Variants in KATNIP observed in about 807,000 individuals in gnomAD.
KATNIP encodes the protein katanin-interacting protein.
KATNIP carries 126 observed loss-of-function variants against 174.0 expected under a neutral mutation model. The observed-to-expected ratio is 0.72, with a 90% confidence interval of 0.63 to 0.84. KATNIP has a LOEUF of 0.84. KATNIP is among the 40% of genes least tolerant of loss of function. KATNIP has a pLI of 0.00. For synonymous variants in KATNIP, 810 were observed against 835.7 expected, an observed-to-expected ratio of 0.97 and a Z score of 0.53; for missense variants, 1,958 against 2,109.7, an observed-to-expected ratio of 0.93 and a Z score of 1.41.
Position 27,751,282 on chromosome 16 carries a change from C to T in KATNIP, c.3347-437C>T, listed in dbSNP as rs572129382. ...TCTGGAACATAAATTTCAGGTCTTT[C>T]CTGCCTGAAGGTGAAGGAGCAGGGC... On this transcript the variant is annotated intron_variant, in intron 16 of 27. Coordinates refer to ENST00000261588, the MANE Select transcript of KATNIP (RefSeq NM_015202.5). Among the ~76,000 whole-genome samples the T allele has an allele frequency of 3.9e-5, 6 of 152,292 alleles. No homozygotes were observed. The East Asian group carries it at 1.2e-3, about 29-fold the overall frequency.
At chr16:27,702,337 T>C (rs1183882541) in intron 11 of KATNIP, among the ~76,000 whole-genome samples, 1 of 152,184 alleles carries the variant, frequency 6.6e-6, no homozygotes, top group Non-Finnish European at 1.5e-5. Flanking sequence ...TTTTCTCTAT[T>C]AAAAGTTTGT....
intron 1 of KATNIP, among the ~76,000 whole-genome samples, chr16:27,551,621 G>A (rs1032621388): frequency 1.3e-5 from 2 of 152,120 alleles, no homozygotes; most frequent in South Asian, 2.1e-4. Context: ...GCATGGACTC[G>A]TGCCTGTAAT....
chr16:27,663,813 T>A (rs549243349), intron 6 of KATNIP, among the ~76,000 whole-genome samples: 1 of 151,730 alleles, frequency 6.6e-6, no homozygotes, highest in East Asian at 1.9e-4. Context: ...CCCTCCTATA[T>A]GTTTATTTTT....
intron 1 of KATNIP, among the ~76,000 whole-genome samples, chr16:27,568,622 G>A (rs566263517): frequency 2.0e-5 from 3 of 152,082 alleles, no homozygotes; most frequent in South Asian, 2.1e-4. Context: ...ATGCCATCAC[G>A]CCCAGCTAAT....
At chr16:27,568,221 T>A (rs1038836377) in intron 1 of KATNIP, among the ~76,000 whole-genome samples, 1 of 152,258 alleles carries the variant, frequency 6.6e-6, no homozygotes, top group African/African-American at 2.4e-5. Context: ...GCTCATTCTT[T>A]CAGCTTTACA....
Position 27,570,363 on chromosome 16 carries a change from A to C in KATNIP, c.8-3538A>C, listed in dbSNP as rs1311165834. Among the ~76,000 whole-genome samples, 3 of 151,942 alleles carry C rather than the reference A, an allele frequency of 2.0e-5. No homozygotes were observed. The East Asian group carries it at 5.8e-4, about 30-fold the overall frequency. On this transcript the variant is annotated intron_variant, in intron 1 of 27. Coordinates refer to ENST00000261588, the MANE Select transcript of KATNIP (RefSeq NM_015202.5). ...CGGTTCACCTGAGGTCAGGAGTTCG[A>C]GACCAGCCTAGCCAACATGGTGAAA... is the stretch of plus-strand genomic sequence containing the variant.
chr16:27,772,574 C>T (rs1032138186), intron 22 of KATNIP, among the ~76,000 whole-genome samples: 7 of 152,348 alleles, frequency 4.6e-5, no homozygotes, highest in Non-Finnish European at 7.4e-5. Flanking sequence ...CTCCTTGCCC[C>T]GGCCCATGGC....
At chr16:27,584,137 C>T (rs1350011951) in intron 2 of KATNIP, among the ~76,000 whole-genome samples, 1 of 152,078 alleles carries the variant, frequency 6.6e-6, no homozygotes, top group East Asian at 1.9e-4. Context: ...GGTTGTGAAT[C>T]CCTGAATAGT....
chr16:27,728,812 G>A (rs1002741405), intron 14 of KATNIP, among the ~76,000 whole-genome samples: 1 of 152,234 alleles, frequency 6.6e-6, no homozygotes, highest in African/African-American at 2.4e-5. Flanking sequence ...AATGAAAGTG[G>A]ACTCAGAGCC....
intron 15 of KATNIP, among the ~76,000 whole-genome samples, chr16:27,744,871 C>T (rs1020710415): frequency 1.3e-4 from 19 of 151,854 alleles, no homozygotes; most frequent in African/African-American, 1.2e-4. Context: ...GCCAAGATCA[C>T]GCCACTGCAC....
chr16:27,657,484 T>C (rs1252857192), intron 6 of KATNIP, among the ~76,000 whole-genome samples: 1 of 151,960 alleles, frequency 6.6e-6, no homozygotes. Context: ...TCCTAGCATT[T>C]TGGGAGGACG....
rs537764418 is a variant in KATNIP at position 27,727,180 on chromosome 16, ATGTT to A, written c.1743+5507_1743+5510del. The A allele has an allele frequency of 1.7e-3, 320 of 191,500 alleles. 1 individual carries two copies. The highest frequency in any genetic ancestry group is 3.4e-3 in the African/African-American group (143 of 42,590). The allele number at this position is 191,500 out of a possible 1,614,324, so 11.9% of individuals were successfully genotyped here. On this transcript the variant is annotated intron_variant, in intron 14 of 27. Transcript: ENST00000261588. ...GCAGGGTGATGTGATCTGATGGAGG[ATGTT>A]TGTTTGTTTGTTTGTTTGTTTTTCT...
At chr16:27,584,916 G>A (rs143931167) in intron 2 of KATNIP, among the ~76,000 whole-genome samples, 318 of 152,278 alleles carry the variant, frequency 2.1e-3, no homozygotes, top group African/African-American at 7.2e-3. Context: ...GAGACAGCCT[G>A]CCCTGGGTAA....
intron 8 of KATNIP, among the ~76,000 whole-genome samples, chr16:27,693,328 C>T (rs888217061): frequency 3.3e-5 from 5 of 152,190 alleles, no homozygotes; most frequent in Non-Finnish European, 5.9e-5. Flanking sequence ...TCCTCAGGAG[C>T]AGCATCAGGG....
chr16:27,583,954 A>C (rs1261587995), intron 2 of KATNIP, among the ~76,000 whole-genome samples: 1 of 152,058 alleles, frequency 6.6e-6, no homozygotes, highest in Non-Finnish European at 1.5e-5. Flanking sequence ...GCCAGATGGC[A>C]TGGTGGGGGA....
In KATNIP at chr16:27,777,006, CA is replaced by C; in HGVS notation, c.4529del (p.His1510LeufsTer4). The C allele has an allele frequency of 6.2e-7, 1 of 1,612,840 alleles. No individual in the cohort carries two copies. Among genetic ancestry groups the C allele is most frequent in the Non-Finnish European group, 8.5e-7 (1 of 1,178,818 alleles). ...ACTGTGGAATTATGCGAAAACACCC[CA>C]TCGAGGGGTGAAGGAGTTTGGCGTA... Reference protein sequence around the residue: ...IKLWNYAKTPHRGVKEFGLLV... With the variant: ...IKLWNYAKTPXRGVKEFGLLV... On this transcript the variant is annotated frameshift_variant, in exon 25 of 28. Transcript: ENST00000261588. LOFTEE classifies it high-confidence loss of function. The surrounding 1 kb of genome is among the most constrained non-coding windows in gnomAD (Gnocchi z 4.4).
At chr16:27,663,465 C>CA (rs1301970045) in intron 6 of KATNIP, among the ~76,000 whole-genome samples, 2 of 150,970 alleles carry the variant, frequency 1.3e-5, no homozygotes, top group Non-Finnish European at 2.9e-5. Context: ...TATTTTGAGA[C>CA]AGAGTATTGC....
At chr16:27,751,985 G>T in intron 17 of KATNIP, 61 bp downstream of exon 17, 1 of 1,359,362 alleles carries the variant, frequency 7.4e-7, no homozygotes, top group Non-Finnish European at 1.0e-6. Context: ...CCCTAACTCA[G>T]AGTAGAGCAG....
chr16:27,774,735 A>G (rs1197820609), intron 23 of KATNIP, among the ~76,000 whole-genome samples: 4 of 151,884 alleles, frequency 2.6e-5, no homozygotes, highest in Non-Finnish European at 5.9e-5. Flanking sequence ...TCTACTTGAA[A>G]CTGACCACCT....
Sources: allele counts gnomAD v4.1 joint callset (sites outside exome capture counted in the v4.1 genomes callset), GRCh38; gene constraint gnomAD v4.1.1; non-coding constraint Gnocchi (gnomAD v3.1); transcripts MANE v1.5; gene names NCBI Gene and HGNC (gene_info 2026-07-23, HGNC 2026-07-21).